Variants in ABCB10 observed in about 807,000 individuals in gnomAD.
The protein encoded by ABCB10 is ATP binding cassette subfamily B member 10.
Under a neutral mutation model 65.4 loss-of-function variants are expected in ABCB10, and 54 were observed. The observed-to-expected ratio is 0.83, with a 90% CI of 0.66 to 1.04. The LOEUF (loss-of-function observed/expected upper bound fraction) is 1.04. Ranked by LOEUF, ABCB10 falls within the 50% of genes least tolerant of loss-of-function variation. ABCB10 has a pLI of 0.00. For missense variants in ABCB10, 846 were observed against 976.6 expected, an observed-to-expected ratio of 0.87 and a Z score of 1.78; for synonymous variants, 418 against 406.5, an observed-to-expected ratio of 1.03 and a Z score of -0.34.
chr1:229,537,644 G>C (rs1662749484), intron 6 of ABCB10, among the ~76,000 whole-genome samples: 1 of 152,062 alleles, frequency 6.6e-6, no homozygotes, highest in Non-Finnish European at 1.5e-5. Context: ...CAAAAAATTA[G>C]CCAGGTGTGG....
intron 3 of ABCB10, among the ~76,000 whole-genome samples, chr1:229,547,003 C>A (rs568355525): frequency 6.6e-6 from 1 of 152,258 alleles, no homozygotes; most frequent in East Asian, 1.9e-4. Context: ...TGACCTGCAG[C>A]ACTGGGCTGA....
At chr1:229,535,177 A>T (rs1311846098) in intron 6 of ABCB10, 1 of 151,646 alleles carries the variant, frequency 6.6e-6, no homozygotes, top group Non-Finnish European at 1.5e-5. Flanking sequence ...TGATACTGCC[A>T]CTGTGCTAAG....
At chr1:229,538,687 G>A (rs1662775254) in intron 6 of ABCB10, among the ~76,000 whole-genome samples, 1 of 152,150 alleles carries the variant, frequency 6.6e-6, no homozygotes, top group Non-Finnish European at 1.5e-5. Flanking sequence ...GCCTGCAGAT[G>A]TCTACGGAAA....
In ABCB10 at chr1:229,547,687, T is replaced by A. The variant is rs770785266; in HGVS notation, c.733A>T (p.Asn245Tyr). 6.2e-6 allele frequency: 10 copies of A among 1,614,052 alleles called. No homozygotes were observed. The highest frequency in any genetic ancestry group is 2.2e-5 in the East Asian group (1 of 44,882). Residue 245 changes from asparagine (N) to tyrosine (Y), a missense_variant, in exon 3 of 13, where the codon AAT becomes TAT. This residue lies in a region of ABCB10 where 632 missense variants were observed against 803.2 expected (regional missense o/e 0.79). Coordinates refer to ENST00000344517, the MANE Select transcript of ABCB10 (RefSeq NM_012089.3). ...LMQTSGQRIV[N>Y]RLRTSLFSSI... ...GAGAATAATGAAGTTCTCAGCCTATTCACAATGCGCTGACCTGCAAAAGCA... is the reference window on the plus strand; with the variant it reads ...GAGAATAATGAAGTTCTCAGCCTATACACAATGCGCTGACCTGCAAAAGCA...
intron 1 of ABCB10, among the ~76,000 whole-genome samples, chr1:229,555,610 GTAT>G (rs1215540603): frequency 3.3e-5 from 5 of 152,070 alleles, no homozygotes; most frequent in African/African-American, 4.8e-5. Context: ...ACAGATGGAG[GTAT>G]TATTATTAAA....
At chr1:229,548,961 C>T (rs1386208591) in intron 2 of ABCB10, among the ~76,000 whole-genome samples, 1 of 152,068 alleles carries the variant, frequency 6.6e-6, no homozygotes, top group Middle Eastern at 3.2e-3. Context: ...GCACCCAGCC[C>T]GAGGGGCTTA....
chr1:229,550,525 C>CAAAAAAAAAAAAAAAA lies in ABCB10; in HGVS notation c.518-1107_518-1092dup, dbSNP rs60323914. Among the ~76,000 whole-genome samples, 221 of 63,494 alleles carry CAAAAAAAAAAAAAAAA rather than the reference C, an allele frequency of 3.5e-3. 6 individuals carry two copies. The highest frequency in any genetic ancestry group is 0.016 in the African/African-American group (212 of 13,396). The allele number at this position is 63,494 out of a possible 152,430, so 41.7% of individuals were successfully genotyped here. A position where few individuals can be genotyped will look rare whatever the true frequency, so the allele number is the denominator to read the frequency against. On this transcript the variant is annotated intron_variant, in intron 1 of 12. Coordinates refer to ENST00000344517, the MANE Select transcript of ABCB10 (RefSeq NM_012089.3). ...GGGTGACACAGCAATATGCTGTCTC[C>CAAAAAAAAAAAAAAAA]AAAAAAAAAAAAAAAAAAAAAAATT...
chr1:229,542,169 C>A, intron 4 of ABCB10, 68 bp downstream of exon 4: 1 of 1,557,486 alleles, frequency 6.4e-7, no homozygotes, highest in Non-Finnish European at 8.6e-7. Flanking sequence ...CCCTTAGGAT[C>A]TGCCCTCTAG....
At chr1:229,522,404 C>T (rs1019374209) in intron 10 of ABCB10, among the ~76,000 whole-genome samples, 14 of 151,978 alleles carry the variant, frequency 9.2e-5, no homozygotes, top group African/African-American at 3.4e-4. Flanking sequence ...CATGGTCTTG[C>T]TCTGTTGCCC....
chr1:229,518,751 T>A, intron 12 of ABCB10, 90 bp downstream of exon 12: 1 of 1,116,106 alleles, frequency 9.0e-7, no homozygotes, highest in Non-Finnish European at 1.3e-6. Context: ...TTCAGTTGTA[T>A]CACTTTGAGG....
chr1:229,537,053 T>C (rs1016548932), intron 6 of ABCB10, among the ~76,000 whole-genome samples: 5 of 152,100 alleles, frequency 3.3e-5, no homozygotes, highest in African/African-American at 1.2e-4. Context: ...CAGGAGGACA[T>C]ATATTGTATG....
chr1:229,542,087 A>T, intron 4 of ABCB10, 150 bp downstream of exon 4: 2 of 1,074,980 alleles, frequency 1.9e-6, no homozygotes, highest in East Asian at 2.7e-5. Flanking sequence ...AGAGTAGTTT[A>T]AGTTTCATGG....
intron 4 of ABCB10, 25 bp from the exon 5 acceptor site, chr1:229,540,777 A>G: frequency 6.2e-7 from 1 of 1,604,154 alleles, no homozygotes; most frequent in South Asian, 1.1e-5. Flanking sequence ...AATACATTTC[A>G]GGAGGAGAAG....
rs1054205199 is a variant in ABCB10 at position 229,558,453 on chromosome 1, C to T, written c.200G>A (p.Arg67His). 7 of 1,223,176 alleles carry T rather than the reference C, an allele frequency of 5.7e-6. No homozygotes were observed. Among genetic ancestry groups the T allele is most frequent in the Non-Finnish European group, 6.1e-6 (6 of 985,132 alleles). 75.8% of individuals were successfully genotyped at this position (1,223,176 alleles called of 1,614,324 possible). Residue 67 changes from arginine to histidine, a missense_variant, in exon 1 of 13, where the codon CGC (arginine) becomes CAC (histidine). Transcript: ENST00000344517. ...ALLWGVGAAR[R>H]WRSGCRGGGP... ...CCCGCCCCGGCAGCCGCTCCTCCAG[C>T]GGCGCGCGGCTCCAACGCCCCAGAG...
chr1:229,558,505 G>A lies in ABCB10; in HGVS notation c.148C>T (p.Arg50Trp), dbSNP rs1173392480. 7.2e-7 allele frequency: 1 copy of A among 1,381,230 alleles called. No individual in the cohort carries two copies. The highest frequency in any genetic ancestry group is 2.9e-5 in the Admixed American group (1 of 34,640). 85.6% of individuals were successfully genotyped at this position (1,381,230 alleles called of 1,614,324 possible). ...LSPFTGLRPA[R>W]LWGAGPALLW... Reference sequence around the variant, plus strand: ...AGCGCGGGCCCCGCGCCCCATAGCCGCGCCGGCCTCAGGCCAGTGAACGGC... The same window carrying A: ...AGCGCGGGCCCCGCGCCCCATAGCCACGCCGGCCTCAGGCCAGTGAACGGC... The change falls in exon 1 of 13, where the codon CGG becomes TGG. Residue 50 changes from arginine (R) to tryptophan (W), a missense_variant. Arg to Trp is a moderately radical substitution (Grantham distance 101). This residue lies in a region of ABCB10 where 214 missense variants were observed against 173.5 expected (regional missense o/e 1.23). Transcript: ENST00000344517.
chr1:229,529,709 T>C (rs186222791), intron 8 of ABCB10, among the ~76,000 whole-genome samples: 215 of 147,226 alleles, frequency 1.5e-3, no homozygotes, highest in African/African-American at 4.7e-3. Context: ...GAATCACTGA[T>C]GGCCAAGTTA....
chr1:229,540,844 A>T, intron 4 of ABCB10, 92 bp from the exon 5 acceptor site: 1 of 1,390,426 alleles, frequency 7.2e-7, no homozygotes, highest in Non-Finnish European at 9.6e-7. Context: ...TCATTTTGTT[A>T]TTCATTAGAA....
At chr1:229,558,028 G>T in intron 1 of ABCB10, 108 bp downstream of exon 1, 1 of 1,170,746 alleles carries the variant, frequency 8.5e-7, no homozygotes, top group Non-Finnish European at 1.1e-6. Flanking sequence ...AGGAGAGGCG[G>T]CGGTGACACG....
rs766058402 is a variant in ABCB10 at position 229,516,859 on chromosome 1, TATTC to T, written c.*1316_*1319del. 1.3e-5 allele frequency: 2 copies of T among 152,352 alleles called. No individual in the cohort carries two copies. Among genetic ancestry groups the T allele is most frequent in the East Asian group, 3.9e-4 (2 of 5,192 alleles). 9.4% of individuals were successfully genotyped at this position (152,352 alleles called of 1,614,324 possible). ...ACACTATATTCATTCATATCAATTT[TATTC>T]ATTAATTATGAACAATAAAATATAA... On this transcript the variant is annotated 3_prime_UTR_variant, in exon 13 of 13. Transcript: ENST00000344517.
Sources: allele counts gnomAD v4.1 joint callset (sites outside exome capture counted in the v4.1 genomes callset), GRCh38; gene constraint gnomAD v4.1.1; regional missense constraint gnomAD v4.1.1; transcripts MANE v1.5; gene names NCBI Gene and HGNC (gene_info 2026-07-23, HGNC 2026-07-21).